NOSTRIN: variants seen among roughly 807,000 people sequenced by gnomAD.
NOSTRIN encodes nitric oxide synthase trafficking, also known as BM247 homolog.
Under a neutral mutation model 59.0 loss-of-function variants are expected in NOSTRIN, and 63 were observed. That is an observed-to-expected ratio of 1.07 (90% confidence interval 0.87 to 1.32). NOSTRIN has a LOEUF of 1.32. Among genes scored for constraint, NOSTRIN ranks in the 40% most tolerant of loss-of-function variants. The pLI, the probability that NOSTRIN is intolerant of heterozygous loss-of-function variation, is 0.00. For missense variants in NOSTRIN, 512 were observed against 473.1 expected, an observed-to-expected ratio of 1.08 and a Z score of -0.76; for synonymous variants, 200 against 165.4, an observed-to-expected ratio of 1.21 and a Z score of -1.61.
intron 7 of NOSTRIN, 124 bp downstream of exon 7, chr2:168,834,449 C>A: frequency 3.6e-6 from 2 of 555,518 alleles, no homozygotes; most frequent in Non-Finnish European, 3.3e-6. Context: ...AGAGATGTAG[C>A]TTGACAGAGC....
intron 8 of NOSTRIN, among the ~76,000 whole-genome samples, chr2:168,845,089 G>GA (rs11424404): frequency 0.64 from 97,405 of 151,794 alleles, 32,292 homozygotes; most frequent in African/African-American, 0.81. Context: ...GAACAAATGA[G>GA]AAAAAATTCC....
At chr2:168,855,502 T>C (rs1309694807) in intron 11 of NOSTRIN, 42 bp downstream of exon 11, 4 of 1,116,994 alleles carry the variant, frequency 3.6e-6, no homozygotes, top group Admixed American at 1.8e-5. Flanking sequence ...AGGGACCATA[T>C]GATGCTCAGA....
At chr2:168,795,453 C>A (rs1685455269), upstream of NOSTRIN, among the ~76,000 whole-genome samples, 1 of 152,224 alleles carries the variant, frequency 6.6e-6, no homozygotes, top group Non-Finnish European at 1.5e-5. Context: ...TATAGGATGA[C>A]TTGACTGTTA....
chr2:168,818,296 G>GT, intron 2 of NOSTRIN: 1 of 371,122 alleles, frequency 2.7e-6, no homozygotes, highest in South Asian at 2.1e-5. Flanking sequence ...TAGGACTGCA[G>GT]GTGTGTGCCA....
Position 168,865,132 on chromosome 2 carries a change from C to A in NOSTRIN, c.*162C>A. 1 of 757,898 alleles carries A rather than the reference C, an allele frequency of 1.3e-6. No individual in the cohort carries two copies. The highest frequency in any genetic ancestry group is 2.1e-6 in the Non-Finnish European group (1 of 484,948). 46.9% of individuals were successfully genotyped at this position (757,898 alleles called of 1,614,324 possible). On this transcript the variant is annotated 3_prime_UTR_variant, in exon 16 of 16. Transcript: ENST00000317647. ...TGCATTCATGATTATTAGCTTGAAA[C>A]AGTCAGAAAAAAGATGGATGGGTGG... is the stretch of plus-strand genomic sequence containing the variant.
In NOSTRIN at chr2:168,829,144, G is replaced by A. The variant is rs557588939; in HGVS notation, c.342+643G>A. On this transcript the variant is annotated intron_variant, in intron 5 of 15. Coordinates refer to ENST00000317647, the MANE Select transcript of NOSTRIN (RefSeq NM_001039724.4). ...GTAATAATGAGTACAATCCTCAAAT[G>A]TCCTAAAAATTACAGAAAGATAATT... Among the ~76,000 whole-genome samples, 3 of 152,182 alleles carry A rather than the reference G, an allele frequency of 2.0e-5. No individual in the cohort carries two copies. In the South Asian group the frequency reaches 6.2e-4, roughly 32 times the overall value.
In NOSTRIN at chr2:168,863,635, A is replaced by AT. The variant is rs1334704943; in HGVS notation, c.1385-1195dup. 2.8e-5 allele frequency: 27 copies of AT among 981,100 alleles called. No homozygotes were observed. The Admixed American group carries it at 9.6e-4, about 35-fold the overall frequency. The allele number at this position is 981,100 out of a possible 1,614,324, so 60.8% of individuals were successfully genotyped here. Reference sequence around the variant, plus strand: ...TCTAAGTTGTTGAATGGGGAGTTACATTTTGAATGGGGAGTTACATTTCTG... The same window carrying AT: ...TCTAAGTTGTTGAATGGGGAGTTACATTTTTGAATGGGGAGTTACATTTCTG... On this transcript the variant is annotated intron_variant, in intron 15 of 15. Transcript: ENST00000317647.
At chr2:168,805,759 A>G (rs955954506) in intron 1 of NOSTRIN, among the ~76,000 whole-genome samples, 4 of 151,302 alleles carry the variant, frequency 2.6e-5, no homozygotes, top group Admixed American at 2.6e-4. Flanking sequence ...TGAGCTTCCC[A>G]TCTTGGTGGC....
chr2:168,852,112 C>T (rs940472309), intron 10 of NOSTRIN, among the ~76,000 whole-genome samples: 2 of 152,174 alleles, frequency 1.3e-5, no homozygotes, highest in African/African-American at 4.8e-5. Context: ...GTAAGCTAAT[C>T]TCAGAAGTGA....
At chr2:168,800,350 A>C (rs1300549740), upstream of NOSTRIN, among the ~76,000 whole-genome samples, 1 of 152,236 alleles carries the variant, frequency 6.6e-6, no homozygotes, top group Non-Finnish European at 1.5e-5. Context: ...CAAAGGATAA[A>C]CGATACCAAC....
chr2:168,797,079 C>CTTTTTTTTTTTTTTTTTTTTTTTTTTTT (rs775176252), upstream of NOSTRIN, among the ~76,000 whole-genome samples: 27 of 75,054 alleles, frequency 3.6e-4, no homozygotes, highest in African/African-American at 6.1e-4. Flanking sequence ...TTTCTTTTTT[C>CTTTTTTTTTTTTTTTTTTTTTTTTTTTT]TTTTTTTTTT....
intron 1 of NOSTRIN, among the ~76,000 whole-genome samples, chr2:168,804,314 T>G (rs540925305): frequency 6.6e-6 from 1 of 152,292 alleles, no homozygotes; most frequent in South Asian, 2.1e-4. Context: ...TGTCTAAAAC[T>G]TTGAAGGTCA....
intron 2 of NOSTRIN, among the ~76,000 whole-genome samples, chr2:168,816,821 G>A (rs528780537): frequency 2.6e-4 from 39 of 152,314 alleles, no homozygotes; most frequent in African/African-American, 9.1e-4. Context: ...TTGGCACTGA[G>A]TAGGCATTCA....
Position 168,863,503 on chromosome 2 carries a change from T to TTTTATGACAAGAGCCATGTTTC in NOSTRIN, c.1385-1328_1385-1307dup, listed in dbSNP as rs1304559987. The TTTTATGACAAGAGCCATGTTTC allele has an allele frequency of 1.4e-5, 14 of 985,266 alleles. No individual in the cohort carries two copies. The South Asian group carries it at 6.1e-4, about 43-fold the overall frequency. The allele number at this position is 985,266 out of a possible 1,614,324, so 61.0% of individuals were successfully genotyped here. Reference sequence around the variant, plus strand: ...TCCTGAAGGGGGCAGATCTTTCTACTTTTATGACAAGAGCCATGTTTCTTG... The same window carrying TTTTATGACAAGAGCCATGTTTC: ...TCCTGAAGGGGGCAGATCTTTCTACTTTTATGACAAGAGCCATGTTTCTTTATGACAAGAGCCATGTTTCTTG... On this transcript the variant is annotated intron_variant, in intron 15 of 15. Transcript: ENST00000317647.
At chr2:168,847,159 T>C (rs1328611079) in intron 8 of NOSTRIN, among the ~76,000 whole-genome samples, 1 of 152,204 alleles carries the variant, frequency 6.6e-6, no homozygotes, top group African/African-American at 2.4e-5. Context: ...ACTGTTCACA[T>C]GTACGGTTAA....
intron 1 of NOSTRIN, among the ~76,000 whole-genome samples, chr2:168,810,903 T>C (rs529612117): frequency 6.6e-6 from 1 of 152,218 alleles, no homozygotes; most frequent in Non-Finnish European, 1.5e-5. Context: ...TGTGGAGTTC[T>C]AAATCAAATG....
chr2:168,798,855 T>G (rs1424608348), upstream of NOSTRIN, among the ~76,000 whole-genome samples: 1 of 139,006 alleles, frequency 7.2e-6, no homozygotes, highest in Non-Finnish European at 1.6e-5. Context: ...AGAAGATAGT[T>G]CTTGAGAGAA....
rs527632746 is a variant in NOSTRIN, at chr2:168,833,423, C to T, written c.406-804C>T. ...AGCTAAAAAGCCAAGGAAGAGAGAC[C>T]TCTCCTTTACTATCTGGTTTGACAG... On this transcript the variant is annotated intron_variant, in intron 6 of 15. Transcript: ENST00000317647. Among the ~76,000 whole-genome samples the T allele has an allele frequency of 5.9e-5, 9 of 152,314 alleles. No individual in the cohort carries two copies. The South Asian group carries it at 1.9e-3, about 32-fold the overall frequency.
At chr2:168,791,944 T>C (rs1338402944) in intron 2 of NOSTRIN, among the ~76,000 whole-genome samples, 1 of 152,168 alleles carries the variant, frequency 6.6e-6, no homozygotes, top group African/African-American at 2.4e-5. Context: ...GCCTGTTCAC[T>C]CTGATGGTAG....
Sources: allele counts gnomAD v4.1 joint callset (sites outside exome capture counted in the v4.1 genomes callset), GRCh38; gene constraint gnomAD v4.1.1; transcripts MANE v1.5; gene names NCBI Gene and HGNC (gene_info 2026-07-23, HGNC 2026-07-21).